SHC4: variants seen among roughly 807,000 people sequenced by gnomAD.
SHC4 encodes SHC-transforming protein 4.
In SHC4, 41 loss-of-function variants were observed where a neutral mutation model predicts 69.4. That is an observed-to-expected ratio of 0.59 (90% CI 0.46 to 0.77). SHC4 has a LOEUF of 0.77. Among genes scored for constraint, SHC4 ranks in the 30% least tolerant of loss-of-function variants. SHC4 has a pLI of 0.00. For missense variants in SHC4, 777 were observed against 783.8 expected, an observed-to-expected ratio of 0.99 and a Z score of 0.10; for synonymous variants, 318 against 299.3, an observed-to-expected ratio of 1.06 and a Z score of -0.64.
intron 10 of SHC4, among the ~76,000 whole-genome samples, chr15:48,835,624 G>C (rs1898884017): frequency 6.6e-6 from 1 of 152,146 alleles, no homozygotes; most frequent in South Asian, 2.1e-4. Context: ...AACAGTTGAT[G>C]AGGTAAAAGA....
chr15:48,866,436 C>G (rs1317707208), intron 6 of SHC4, among the ~76,000 whole-genome samples: 2 of 152,182 alleles, frequency 1.3e-5, no homozygotes, highest in African/African-American at 4.8e-5. Flanking sequence ...TACTACGTGC[C>G]AGGCTCTGTG....
At chr15:48,916,958 T>C (rs1214165135) in intron 2 of SHC4, among the ~76,000 whole-genome samples, 1 of 152,306 alleles carries the variant, frequency 6.6e-6, no homozygotes. Context: ...TCGGGGTGAA[T>C]TATGTACTGT....
At chr15:48,891,734 T>G (rs189765093) in intron 2 of SHC4, among the ~76,000 whole-genome samples, 2 of 152,220 alleles carry the variant, frequency 1.3e-5, no homozygotes, top group African/African-American at 4.8e-5. Flanking sequence ...ACATGCAACA[T>G]TGTATTATAG....
At chr15:48,838,245 T>C (rs1004803971) in intron 10 of SHC4, among the ~76,000 whole-genome samples, 11 of 152,200 alleles carry the variant, frequency 7.2e-5, no homozygotes, top group Admixed American at 4.6e-4. Context: ...CGTTGTCTTA[T>C]TTGACATCAG....
At chr15:48,910,727 G>A (rs1015569014) in intron 2 of SHC4, among the ~76,000 whole-genome samples, 7 of 152,004 alleles carry the variant, frequency 4.6e-5, no homozygotes, top group South Asian at 2.1e-4. Context: ...TCTTAGCACC[G>A]CCTTAGCTGT....
At chr15:48,904,143 C>T (rs1900364190) in intron 2 of SHC4, among the ~76,000 whole-genome samples, 1 of 152,202 alleles carries the variant, frequency 6.6e-6, no homozygotes, top group Admixed American at 6.5e-5. Context: ...TCTGACCCTT[C>T]TGGCTTTCAG....
At chr15:48,924,272 CCTT>C (rs1900805666) in intron 2 of SHC4, among the ~76,000 whole-genome samples, 1 of 152,202 alleles carries the variant, frequency 6.6e-6, no homozygotes, top group Admixed American at 6.5e-5. Flanking sequence ...TGCACTCACT[CCTT>C]CTTTCCGTCC....
At chr15:48,850,816 T>C (rs1034188640) in intron 9 of SHC4, among the ~76,000 whole-genome samples, 2 of 152,216 alleles carry the variant, frequency 1.3e-5, no homozygotes, top group African/African-American at 2.4e-5. Flanking sequence ...TTAATCCTAA[T>C]GGATCTGACA....
At chr15:48,891,987 TG>T (rs1900145514) in intron 2 of SHC4, among the ~76,000 whole-genome samples, 1 of 152,184 alleles carries the variant, frequency 6.6e-6, no homozygotes, top group African/African-American at 2.4e-5. Context: ...CCCGAGTAGC[TG>T]GGACAACAGG....
At chr15:48,847,371 G>C (rs1162350108) in intron 9 of SHC4, among the ~76,000 whole-genome samples, 2 of 152,060 alleles carry the variant, frequency 1.3e-5, no homozygotes, top group Non-Finnish European at 2.9e-5. Context: ...GGAAGGTCAG[G>C]GAAACATTAT....
Position 48,843,573 on chromosome 15 carries a change from C to G in SHC4, c.1319G>C (p.Arg440Thr). Reference sequence around the variant, plus strand: ...GGTATCTCGCTGGGACTGCACCCCTCTTGGATGGACATTACCTGTAGTGAT... The same window carrying G: ...GGTATCTCGCTGGGACTGCACCCCTGTTGGATGGACATTACCTGTAGTGAT... Reference protein sequence around the residue: ...QSRAIGNVHPRGVQSQRDTSL... With the variant: ...QSRAIGNVHPTGVQSQRDTSL... Residue 440 changes from arginine to threonine, a missense_variant, in exon 10 of 12, where the codon AGA (arginine) becomes ACA (threonine). Arg to Thr is a moderately conservative substitution (Grantham distance 71). Transcript: ENST00000332408. 1 of 1,613,948 alleles carries G rather than the reference C, an allele frequency of 6.2e-7. No individual in the cohort carries two copies. Among genetic ancestry groups the G allele is most frequent in the Non-Finnish European group, 8.5e-7 (1 of 1,179,882 alleles).
chr15:48,948,365 C>T (rs1339715737), intron 1 of SHC4, among the ~76,000 whole-genome samples: 1 of 152,158 alleles, frequency 6.6e-6, no homozygotes, highest in African/African-American at 2.4e-5. Context: ...TGAGACATAC[C>T]AACAAATCGT....
At chr15:48,896,047 T>C (rs1900214757) in intron 2 of SHC4, among the ~76,000 whole-genome samples, 1 of 152,150 alleles carries the variant, frequency 6.6e-6, no homozygotes, top group Admixed American at 6.5e-5. Context: ...AGGATCACAT[T>C]ACTGCACTCC....
intron 4 of SHC4, chr15:48,876,888 C>G (rs530605645): frequency 4.5e-6 from 1 of 221,664 alleles, no homozygotes; most frequent in African/African-American, 2.3e-5. Flanking sequence ...ATCAAGTTGA[C>G]ACTCAGTATT....
At chr15:48,839,597 T>C (rs550460091) in intron 10 of SHC4, among the ~76,000 whole-genome samples, 56 of 152,336 alleles carry the variant, frequency 3.7e-4, no homozygotes, top group South Asian at 1.7e-3. Flanking sequence ...TTGGTCATCG[T>C]TGTGGACCAG....
intron 2 of SHC4, among the ~76,000 whole-genome samples, chr15:48,910,551 T>C (rs1374738705): frequency 2.0e-5 from 3 of 152,152 alleles, no homozygotes; most frequent in Non-Finnish European, 4.4e-5. Flanking sequence ...TGTTTCTTTG[T>C]CTCAATTTCA....
intron 1 of SHC4, among the ~76,000 whole-genome samples, chr15:48,930,956 A>C (rs545013072): frequency 6.6e-6 from 1 of 152,206 alleles, no homozygotes; most frequent in South Asian, 2.1e-4. Flanking sequence ...AAACTGCCTG[A>C]GCAAACCAAC....
chr15:48,861,133 CTTTA>C (rs1899432203), intron 6 of SHC4, among the ~76,000 whole-genome samples: 1 of 152,218 alleles, frequency 6.6e-6, no homozygotes, highest in Non-Finnish European at 1.5e-5. Context: ...TACCATATTA[CTTTA>C]TTTATTATAG....
At chr15:48,904,175 T>C (rs1900364515) in intron 2 of SHC4, among the ~76,000 whole-genome samples, 1 of 152,208 alleles carries the variant, frequency 6.6e-6, no homozygotes, top group African/African-American at 2.4e-5. Context: ...GATTTGTTCC[T>C]TAAAATTATT....
Sources: gnomAD v4.1 joint callset for allele counts (sites outside exome capture counted in the v4.1 genomes callset) on GRCh38, gnomAD v4.1.1 for gene constraint, MANE v1.5 for transcripts, NCBI Gene and HGNC (gene_info 2026-07-23, HGNC 2026-07-21) for gene names.